ASPM: variants seen among roughly 807,000 people sequenced by gnomAD.
ASPM encodes the protein assembly factor for spindle microtubules.
ASPM carries 256 observed loss-of-function variants against 366.4 expected under a neutral mutation model. That is an observed-to-expected ratio of 0.70 (90% CI 0.63 to 0.77). ASPM has a LOEUF of 0.77. Among genes scored for constraint, ASPM ranks in the 30% least tolerant of loss-of-function variants. The pLI, the probability that ASPM is intolerant of heterozygous loss-of-function variation, is 0.00. For synonymous variants in ASPM, 1,414 were observed against 1,342.9 expected, an observed-to-expected ratio of 1.05 and a Z score of -1.16; for missense variants, 4,146 against 4,090.4, an observed-to-expected ratio of 1.01 and a Z score of -0.37.
rs1450325925 is a variant in ASPM, at chr1:197,103,367, T to C, written c.5884A>G (p.Thr1962Ala). ...TGCCTTTGAAGCTGTCTTCTCAGTGTTTTTCCCTTCCACATAGATTGAAGC... is the reference window on the plus strand; with the variant it reads ...TGCCTTTGAAGCTGTCTTCTCAGTGCTTTTCCCTTCCACATAGATTGAAGC... ...LVLQSMWKGK[T>A]LRRQLQRQHK... The change falls in exon 18 of 28, where the codon ACA (threonine) becomes GCA (alanine). Residue 1962 changes from threonine to alanine, a missense_variant. By Grantham distance (58) the Thr-to-Ala change is moderately conservative. Coordinates refer to ENST00000367409, the MANE Select transcript of ASPM (RefSeq NM_018136.5). 2 of 1,613,282 alleles carry C rather than the reference T, an allele frequency of 1.2e-6. No homozygotes were observed. Among genetic ancestry groups the C allele is most frequent in the Admixed American group, 3.3e-5 (2 of 59,886 alleles).
chr1:197,130,148 C>T, intron 7 of ASPM, 92 bp from the exon 8 acceptor site: 10 of 1,324,806 alleles, frequency 7.5e-6, no homozygotes, highest in Non-Finnish European at 1.1e-5. Flanking sequence ...ACCTAAGGAA[C>T]TGGCAATGTT....
intron 4 of ASPM, among the ~76,000 whole-genome samples, 184 bp downstream of exon 4, chr1:197,139,583 T>G (rs1658521926): frequency 6.6e-6 from 1 of 152,240 alleles, no homozygotes; most frequent in East Asian, 1.9e-4. Context: ...CTATTGAACA[T>G]TTGGTCTTTA....
intron 11 of ASPM, 28 bp from the exon 12 acceptor site, chr1:197,124,983 A>T: frequency 6.2e-7 from 1 of 1,605,166 alleles, no homozygotes; most frequent in South Asian, 1.1e-5. Flanking sequence ...GTCCATTAGC[A>T]TAATGTACGC....
At position 197,096,161 on chromosome 1, in the gene ASPM, T is replaced by C; in HGVS notation, c.8824A>G (p.Met2942Val). 3.8e-6 allele frequency: 6 copies of C among 1,599,176 alleles called. No homozygotes were observed. Among genetic ancestry groups the C allele is most frequent in the Non-Finnish European group, 5.1e-6 (6 of 1,168,718 alleles). The change falls in exon 19 of 28, where the codon ATG becomes GTG. Residue 2942 changes from methionine to valine, a missense_variant. By Grantham distance (21) the Met-to-Val change is conservative. Transcript: ENST00000367409. Reference protein sequence around the residue: ...IKNSTIKIQAMWRRYRAKKYL... With the variant: ...IKNSTIKIQAVWRRYRAKKYL... ...TTCTTGGCTCTATATCTCCTCCACA[T>C]AGCCTATTAAATACATAAATATAAC...
rs180997394 is a variant in ASPM, at chr1:197,109,705, A to G, written c.4066-4520T>C. On this transcript the variant is annotated intron_variant, in intron 17 of 27. Coordinates refer to ENST00000367409, the MANE Select transcript of ASPM (RefSeq NM_018136.5). ...TATGTAGAAAATCTCAAAGAATCTA[A>G]AACAAAAACAAACATAAAAACTTCA... Among the ~76,000 whole-genome samples, 571 of 152,180 alleles carry G rather than the reference A, an allele frequency of 3.8e-3. 1 individual carries two copies. Among genetic ancestry groups the G allele is most frequent in the African/African-American group, 0.013 (548 of 41,566 alleles).
At chr1:197,131,040 G>A (rs898265736) in intron 7 of ASPM, among the ~76,000 whole-genome samples, 1 of 152,218 alleles carries the variant, frequency 6.6e-6, no homozygotes, top group African/African-American at 2.4e-5. Flanking sequence ...TTTCATATGT[G>A]AAGCAGAGCT....
intron 16 of ASPM, among the ~76,000 whole-genome samples, chr1:197,118,730 C>T (rs554432907): frequency 2.0e-5 from 3 of 152,228 alleles, no homozygotes; most frequent in East Asian, 1.9e-4. Flanking sequence ...ACTACTCTTA[C>T]GATCACTAGA....
chr1:197,133,831 C>T (rs141380371), intron 5 of ASPM, among the ~76,000 whole-genome samples: 103 of 152,306 alleles, frequency 6.8e-4, no homozygotes, highest in Non-Finnish European at 1.3e-3. Flanking sequence ...ATGATTATCT[C>T]TAATCCGGAC....
intron 4 of ASPM, chr1:197,139,195 G>A: frequency 1.0e-6 from 1 of 966,916 alleles, no homozygotes; most frequent in South Asian, 1.3e-5. Context: ...AAGTCACAGT[G>A]ATTTTCATTT....
chr1:197,091,355 T>C (rs371133228), intron 22 of ASPM, among the ~76,000 whole-genome samples: 6 of 152,026 alleles, frequency 3.9e-5, no homozygotes, highest in African/African-American at 1.4e-4. Flanking sequence ...ATACTTTATA[T>C]GTAAATGTAT....
At chr1:197,112,594 ACT>A (rs1204670436) in intron 17 of ASPM, among the ~76,000 whole-genome samples, 4 of 152,136 alleles carry the variant, frequency 2.6e-5, no homozygotes, top group African/African-American at 9.7e-5. Flanking sequence ...CCCTGTGCTC[ACT>A]GAGGTAAATG....
intron 5 of ASPM, among the ~76,000 whole-genome samples, chr1:197,134,402 A>G (rs1406243945): frequency 7.2e-6 from 1 of 139,480 alleles, no homozygotes. Flanking sequence ...AGGGAGTGAG[A>G]CCTTGTCTCC....
At chr1:197,135,061 GTAT>G in intron 5 of ASPM, 32 bp downstream of exon 5, 3 of 1,389,622 alleles carry the variant, frequency 2.2e-6, no homozygotes, top group Non-Finnish European at 3.0e-6. Flanking sequence ...TCTGTTAAAA[GTAT>G]TATTAAATTT....
In ASPM at chr1:197,086,839, A is replaced by T. The variant is rs794727443; in HGVS notation, c.10295T>A (p.Ile3432Asn). The T allele has an allele frequency of 1.2e-5, 20 of 1,611,490 alleles. No homozygotes were observed. The highest frequency in any genetic ancestry group is 1.7e-5 in the Non-Finnish European group (20 of 1,178,090). ...TCTGGTCCTTACAGGTGTTTCTGGGATAAAAGGAATGCTTATAGAAGAATT... is the reference window on the plus strand; with the variant it reads ...TCTGGTCCTTACAGGTGTTTCTGGGTTAAAAGGAATGCTTATAGAAGAATT... Reference protein sequence around the residue: ...KKNSSISIPFIPETPVRTRIV... With the variant: ...KKNSSISIPFNPETPVRTRIV... Residue 3432 changes from isoleucine (I) to asparagine (N), a missense_variant, in exon 27 of 28, where the codon ATC becomes AAC. By Grantham distance (149) the Ile-to-Asn change is moderately radical. Coordinates refer to ENST00000367409, the MANE Select transcript of ASPM (RefSeq NM_018136.5).
rs543149352 is a variant in ASPM, at chr1:197,102,398, G to A, written c.6853C>T (p.Leu2285Phe). 1 of 1,612,676 alleles carries A rather than the reference G, an allele frequency of 6.2e-7. No homozygotes were observed. The highest frequency in any genetic ancestry group is 8.5e-7 in the Non-Finnish European group (1 of 1,179,248). The change falls in exon 18 of 28, where the codon CTC becomes TTC. Residue 2285 changes from leucine (L) to phenylalanine (F), a missense_variant. Transcript: ENST00000367409. ...TLMMRRRFLS[L>F]KKTAILIQRK... is the part of the protein sequence containing the mutation. ...TGAATCAAAATAGCAGTTTTCTTGAGAGAGAGGAATCTTCTTCTCATCATT... is the reference window on the plus strand; with the variant it reads ...TGAATCAAAATAGCAGTTTTCTTGAAAGAGAGGAATCTTCTTCTCATCATT...
chr1:197,098,921 C>T (rs1657067816), intron 18 of ASPM, among the ~76,000 whole-genome samples: 1 of 151,568 alleles, frequency 6.6e-6, no homozygotes, highest in South Asian at 2.1e-4. Flanking sequence ...AAGGGGGTTA[C>T]CTGCTAGGTA....
intron 17 of ASPM, among the ~76,000 whole-genome samples, chr1:197,115,047 G>C (rs1657702481): frequency 6.6e-6 from 1 of 152,010 alleles, no homozygotes; most frequent in South Asian, 2.1e-4. Flanking sequence ...ATCATGCCCA[G>C]CTTATTTTTA....
At chr1:197,144,730 T>TTA (rs1327686817) in intron 1 of ASPM, among the ~76,000 whole-genome samples, 1 of 152,038 alleles carries the variant, frequency 6.6e-6, no homozygotes, top group East Asian at 1.9e-4. Flanking sequence ...GGCAGTCTAA[T>TTA]GCCAGAGTTT....
At position 197,100,689 on chromosome 1, in the gene ASPM, T is replaced by C. The variant is rs753520862; in HGVS notation, c.8562A>G (p.Arg2854=). The C allele has an allele frequency of 6.2e-7, 1 of 1,612,266 alleles. No individual in the cohort carries two copies. Among genetic ancestry groups the C allele is most frequent in the East Asian group, 2.2e-5 (1 of 44,806 alleles). ...QFFLQMAVYR[R]RFVQQKRAAI... ...CAGCTCTTTTCTGCTGAACAAATCT[T>C]CTCCGATACACAGCCATCTGAAGGA... Residue 2854 remains arginine (R), a synonymous_variant, in exon 18 of 28, where the codon AGA becomes AGG. Transcript: ENST00000367409.
Sources: allele counts gnomAD v4.1 joint callset (sites outside exome capture counted in the v4.1 genomes callset), GRCh38; gene constraint gnomAD v4.1.1; transcripts MANE v1.5; gene names NCBI Gene and HGNC (gene_info 2026-07-23, HGNC 2026-07-21).